The following ENPP1 variants were observed in gnomAD, a reference collection of about 807,000 sequenced individuals.
ENPP1 encodes ectonucleotide pyrophosphatase/phosphodiesterase family member 1.
Under a neutral mutation model 122.8 loss-of-function variants are expected in ENPP1, and 73 were observed. That is an observed-to-expected ratio of 0.59 (90% confidence interval 0.49 to 0.72). The LOEUF (loss-of-function observed/expected upper bound fraction) is 0.72. ENPP1 is among the 30% of genes least tolerant of loss of function. ENPP1 has a pLI of 0.00. For synonymous variants in ENPP1, 367 were observed against 391.6 expected (o/e 0.94, Z 0.74); for missense variants, 978 against 1,128.1 (o/e 0.87, Z 1.91).
chr6:131,819,911 T>C, intron 1 of ENPP1: 1 of 519,642 alleles, frequency 1.9e-6, no homozygotes, highest in South Asian at 1.7e-5. Flanking sequence ...CATCATCATA[T>C]CTGGAATCAG....
At position 131,813,372 on chromosome 6, in the gene ENPP1, C is replaced by CA. The variant is rs539108825; in HGVS notation, c.240+5105dup. ...TGAAACCTCTTTTTTTGTAAAAATA[C>CA]AAAAAAAATTAGCAGGGCATGGTAG... On this transcript the variant is annotated intron_variant, in intron 1 of 24. Coordinates refer to ENST00000647893, the MANE Select transcript of ENPP1 (RefSeq NM_006208.3). Among the ~76,000 whole-genome samples, 278 of 151,224 alleles carry CA rather than the reference C, an allele frequency of 1.8e-3. 1 individual carries two copies. Among genetic ancestry groups the CA allele is most frequent in the African/African-American group, 5.9e-3 (242 of 41,260 alleles).
At chr6:131,824,798 CG>C (rs1781525307) in intron 1 of ENPP1, among the ~76,000 whole-genome samples, 1 of 152,022 alleles carries the variant, frequency 6.6e-6, no homozygotes, top group Non-Finnish European at 1.5e-5. Context: ...CAGTGGCTCA[CG>C]CCTGTAATCC....
In ENPP1 at chr6:131,870,187, T is replaced by C. The variant is rs566554374; in HGVS notation, c.1405+698T>C. ...ATTAATGACACTCCATTAAAATTAC[T>C]TAGTTTGGGATTAATATTCTGTTGT... On this transcript the variant is annotated intron_variant, in intron 13 of 24. Transcript: ENST00000647893. 3.7e-4 allele frequency among the ~76,000 whole-genome samples: 56 copies of C among 152,314 alleles called. No homozygotes were observed. The South Asian group carries it at 0.011, about 31-fold the overall frequency.
chr6:131,880,603 CT>C lies in ENPP1; in HGVS notation c.2100+573del, dbSNP rs539075511. On this transcript the variant is annotated intron_variant, in intron 20 of 24. Coordinates refer to ENST00000647893, the MANE Select transcript of ENPP1 (RefSeq NM_006208.3). ...AGAAAGAAAGAAAGAAAAGAATTCT[CT>C]TTTCCTCCCCGACCCCAGTTTTAAT... Among the ~76,000 whole-genome samples the C allele has an allele frequency of 1.1e-4, 16 of 151,814 alleles. 1 individual carries two copies. The South Asian group carries it at 3.3e-3, about 32-fold the overall frequency.
intron 24 of ENPP1, among the ~76,000 whole-genome samples, chr6:131,887,559 A>ATTTTTTTT (rs71030768): frequency 1.2e-5 from 1 of 86,334 alleles, no homozygotes; most frequent in African/African-American, 5.8e-5. Flanking sequence ...CACCCAGCTA[A>ATTTTTTTT]TTTTTTTTTT....
At chr6:131,864,069 T>C (rs928983532) in intron 9 of ENPP1, among the ~76,000 whole-genome samples, 3 of 152,186 alleles carry the variant, frequency 2.0e-5, no homozygotes, top group Non-Finnish European at 2.9e-5. Flanking sequence ...ACAAAGCCTG[T>C]GTCCAGAGGA....
At chr6:131,809,328 G>A (rs1314582648) in intron 1 of ENPP1, among the ~76,000 whole-genome samples, 1 of 152,048 alleles carries the variant, frequency 6.6e-6, no homozygotes, top group Non-Finnish European at 1.5e-5. Context: ...CTTTCATTTT[G>A]TATGCATTTC....
intron 5 of ENPP1, 26 bp from the exon 6 acceptor site, chr6:131,854,900 A>ATT: frequency 6.7e-7 from 1 of 1,501,128 alleles, no homozygotes; most frequent in Non-Finnish European, 9.3e-7. Context: ...TTCTTTAAAC[A>ATT]TTTTTTTTTC....
Position 131,887,461 on chromosome 6 carries a change from C to T in ENPP1, c.2607+737C>T, listed in dbSNP as rs557042829. On this transcript the variant is annotated intron_variant, in intron 24 of 24. Transcript: ENST00000647893. Reference sequence around the variant, plus strand: ...AGGCTGGAGTGCAGTGGCATGATCTCGGCTCACCGCAAGCTCCGCCTTCTG... The same window carrying T: ...AGGCTGGAGTGCAGTGGCATGATCTTGGCTCACCGCAAGCTCCGCCTTCTG... Among the ~76,000 whole-genome samples the T allele has an allele frequency of 7.3e-4, 111 of 151,038 alleles. 3 individuals carry two copies. The South Asian group carries it at 0.023, about 31-fold the overall frequency.
intron 21 of ENPP1, among the ~76,000 whole-genome samples, 175 bp downstream of exon 21, chr6:131,882,649 TTTTATATATATATAGC>T (rs1782327829): frequency 1.7e-5 from 1 of 58,446 alleles, no homozygotes; most frequent in East Asian, 1.2e-3. Context: ...TATATTACTA[TTTTATATATATATAGC>T]TATATATATA....
intron 24 of ENPP1, 103 bp from the exon 25 acceptor site, chr6:131,890,238 A>C: frequency 1.1e-6 from 1 of 932,548 alleles, no homozygotes; most frequent in Non-Finnish European, 1.8e-6. Context: ...TCCACTTCAG[A>C]GCTGAAATCT....
At chr6:131,872,836 C>T in intron 14 of ENPP1, 87 bp from the exon 15 acceptor site, 5 of 1,305,770 alleles carry the variant, frequency 3.8e-6, no homozygotes, top group Non-Finnish European at 5.5e-6. Context: ...AAATATCTTT[C>T]CCTAATAAAT....
intron 1 of ENPP1, among the ~76,000 whole-genome samples, chr6:131,808,492 C>T (rs1342314036): frequency 6.6e-6 from 1 of 152,234 alleles, no homozygotes; most frequent in Non-Finnish European, 1.5e-5. Flanking sequence ...GGTTCACTCT[C>T]ACTTGAATTA....
intron 1 of ENPP1, among the ~76,000 whole-genome samples, chr6:131,833,030 C>T (rs1391169059): frequency 6.6e-6 from 1 of 152,142 alleles, no homozygotes; most frequent in Non-Finnish European, 1.5e-5. Flanking sequence ...CAATAAATAT[C>T]TCTGTGTGCA....
Position 131,894,346 on chromosome 6 carries a change from CAT to C in ENPP1, c.*3836_*3837del, listed in dbSNP as rs1782516548. The C allele has an allele frequency of 2.0e-5, 3 of 151,332 alleles. No homozygotes were observed. The highest frequency in any genetic ancestry group is 4.2e-4 in the South Asian group (2 of 4,748). The allele number at this position is 151,332 out of a possible 1,614,324, so 9.4% of individuals were successfully genotyped here. The stretch of plus-strand genomic sequence containing the variant: ...TGTGGCCCAGGCTAGACTGCAGTGG[CAT>C]GATCTCGGCTCACTGCAACCTCCAC... On this transcript the variant is annotated 3_prime_UTR_variant, in exon 25 of 25. Coordinates refer to ENST00000647893, the MANE Select transcript of ENPP1 (RefSeq NM_006208.3).
rs1309589538 is a variant in ENPP1, at chr6:131,893,746, T to G, written c.*3235T>G. ...CTTTTTTTCTTTTCTTGAAAGAGAC[T>G]CCTCCTTTCTTTTCTTTTCTTGAAA... is the stretch of plus-strand genomic sequence containing the variant. On this transcript the variant is annotated 3_prime_UTR_variant, in exon 25 of 25. Coordinates refer to ENST00000647893, the MANE Select transcript of ENPP1 (RefSeq NM_006208.3). The G allele has an allele frequency of 1.3e-5, 2 of 151,082 alleles. No homozygotes were observed. The highest frequency in any genetic ancestry group is 3.0e-5 in the Non-Finnish European group (2 of 67,726). 9.4% of individuals were successfully genotyped at this position (151,082 alleles called of 1,614,324 possible).
chr6:131,867,044 C>A (rs1782099687), intron 11 of ENPP1, among the ~76,000 whole-genome samples: 1 of 152,196 alleles, frequency 6.6e-6, no homozygotes, highest in Non-Finnish European at 1.5e-5. Flanking sequence ...TCTGAGTCAT[C>A]TTCATTTAAG....
At chr6:131,861,549 T>G in intron 8 of ENPP1, 46 bp from the exon 9 acceptor site, 1 of 1,186,844 alleles carries the variant, frequency 8.4e-7, no homozygotes, top group Non-Finnish European at 1.3e-6. Flanking sequence ...TCCTAAGAGA[T>G]GAATGTTTGC....
In ENPP1 at chr6:131,879,898, A is replaced by C; in HGVS notation, c.1964A>C (p.Glu655Ala). The change falls in exon 20 of 25, where the codon GAA (glutamate) becomes GCA (alanine). Residue 655 changes from glutamate to alanine, a missense_variant. By Grantham distance (107) the Glu-to-Ala change is moderately radical. This residue lies in a region of ENPP1 where 644 missense variants were observed against 781.5 expected (regional missense o/e 0.82). Coordinates refer to ENST00000647893, the MANE Select transcript of ENPP1 (RefSeq NM_006208.3). ...ACCCAAGAGAAGATTATTAAGCATG[A>C]AACTTTACCCTATGGAAGACCTAGA... Reference protein sequence around the residue: ...TVAEEKIIKHETLPYGRPRVL... With the variant: ...TVAEEKIIKHATLPYGRPRVL... 2.5e-6 allele frequency: 4 copies of C among 1,613,856 alleles called. No individual in the cohort carries two copies. Among genetic ancestry groups the C allele is most frequent in the East Asian group, 2.2e-5 (1 of 44,874 alleles).
Sources: gnomAD v4.1 joint callset for allele counts (sites outside exome capture counted in the v4.1 genomes callset) on GRCh38, gnomAD v4.1.1 for gene constraint, gnomAD v4.1.1 regional missense constraint, MANE v1.5 for transcripts, NCBI Gene and HGNC (gene_info 2026-07-23, HGNC 2026-07-21) for gene names.